CNKSR2: variants seen among roughly 807,000 people sequenced by gnomAD.
CNKSR2 encodes the protein CNK homolog protein 2.
CNKSR2 carries 14 observed loss-of-function variants against 84.4 expected under a neutral mutation model. That is an observed-to-expected ratio of 0.17 (90% CI 0.11 to 0.26). The LOEUF is 0.26. CNKSR2 is among the 10% of genes least tolerant of loss of function. The pLI, the probability that CNKSR2 is intolerant of heterozygous loss-of-function variation, is 1.00. For missense variants in CNKSR2, 485 were observed against 771.2 expected (o/e 0.63, Z 4.40); for synonymous variants, 275 against 277.9 (o/e 0.99, Z 0.10).
At chrX:21,395,580 G>T (rs1273598629) in intron 1 of CNKSR2, among the ~76,000 whole-genome samples, 2 of 110,289 alleles carry the variant, frequency 1.8e-5, no homozygotes, top group Non-Finnish European at 3.8e-5. Context: ...GGTTGAGACA[G>T]CTTTACTTCT....
chrX:21,484,141 A>T (rs1349089070), intron 5 of CNKSR2, among the ~76,000 whole-genome samples: 1 of 110,951 alleles, frequency 9.0e-6, no homozygotes, highest in Admixed American at 9.6e-5. Context: ...AATACAAAAA[A>T]TTAGCTGGGC....
intron 20 of CNKSR2, among the ~76,000 whole-genome samples, chrX:21,640,310 G>A (rs1019815884): frequency 8.9e-6 from 1 of 111,754 alleles, no homozygotes; most frequent in Non-Finnish European, 1.9e-5. Context: ...TGTGCCCAAG[G>A]TTGGATTCCC....
intron 13 of CNKSR2, among the ~76,000 whole-genome samples, chrX:21,583,032 CTTAT>C (rs1242769473): frequency 9.0e-6 from 1 of 111,709 alleles, no homozygotes; most frequent in Non-Finnish European, 1.9e-5. Flanking sequence ...TCTTTTTGTT[CTTAT>C]TTGACTGCTA....
At chrX:21,627,892 C>T (rs1242776641) in intron 20 of CNKSR2, among the ~76,000 whole-genome samples, 2 of 111,206 alleles carry the variant, frequency 1.8e-5, no homozygotes, top group African/African-American at 3.3e-5. Flanking sequence ...CCTGCCTTCC[C>T]AACAGTCCCC....
chrX:21,574,504 C>A (rs182138471), intron 13 of CNKSR2, among the ~76,000 whole-genome samples: 41 of 111,909 alleles, frequency 3.7e-4, no homozygotes, highest in African/African-American at 1.2e-3. Context: ...GCAAATATGT[C>A]TTTCTTCACA....
chrX:21,525,343 A>G (rs756253780), intron 9 of CNKSR2, among the ~76,000 whole-genome samples: 2 of 111,425 alleles, frequency 1.8e-5, no homozygotes, highest in African/African-American at 6.5e-5. Context: ...AGCATAGTAA[A>G]ACATAATCTT....
At chrX:21,519,954 G>C (rs1184016232) in intron 9 of CNKSR2, among the ~76,000 whole-genome samples, 2 of 111,171 alleles carry the variant, frequency 1.8e-5, no homozygotes, top group Non-Finnish European at 3.8e-5. Context: ...TAAGATAGAA[G>C]ATTGTCAAAG....
At chrX:21,473,405 T>C (rs745401737) in intron 5 of CNKSR2, among the ~76,000 whole-genome samples, 1 of 111,786 alleles carries the variant, frequency 8.9e-6, no homozygotes, top group East Asian at 2.8e-4. Context: ...CAGTACCACT[T>C]AGTATATGAG....
chrX:21,608,149 G>A (rs1296741550), intron 19 of CNKSR2: 1 of 111,190 alleles, frequency 9.0e-6, no homozygotes, highest in African/African-American at 3.3e-5. Flanking sequence ...ACTGCCCGCA[G>A]AGGATGCCAA....
intron 1 of CNKSR2, among the ~76,000 whole-genome samples, chrX:21,382,173 C>G (rs2089908138): frequency 8.9e-6 from 1 of 111,841 alleles, no homozygotes; most frequent in African/African-American, 3.2e-5. Flanking sequence ...CTAATGGATA[C>G]TTCAGTGCCA....
intron 1 of CNKSR2, among the ~76,000 whole-genome samples, chrX:21,413,130 C>A (rs1035976038): frequency 9.0e-6 from 1 of 111,233 alleles, no homozygotes; most frequent in Non-Finnish European, 1.9e-5. Context: ...GACTGCATGA[C>A]GACTGCATGC....
chrX:21,648,826 T>TTTTTG lies in CNKSR2; in HGVS notation c.2693-5_2693-4insTTTTG. ...TTTTTTTTTTTTTTTTTTTGGATGT[T>TTTTTG]GCAGGTGAAAGCAGAGAAGAAAAGT... is the stretch of plus-strand genomic sequence containing the variant. On this transcript the variant is annotated splice_region_variant and splice_polypyrimidine_tract_variant and intron_variant, in intron 20 of 21. Coordinates refer to ENST00000379510, the MANE Select transcript of CNKSR2 (RefSeq NM_014927.5). The TTTTTG allele has an allele frequency of 2.0e-6, 2 of 1,001,511 alleles. No individual in the cohort carries two copies. The highest frequency in any genetic ancestry group is 2.6e-6 in the Non-Finnish European group (2 of 758,540). 82.5% of individuals were successfully genotyped at this position (1,001,511 alleles called of 1,213,427 possible).
At chrX:21,537,798 T>G (rs1601918031) in intron 11 of CNKSR2, 3 of 109,269 alleles carry the variant, frequency 2.7e-5, no homozygotes, top group Non-Finnish European at 5.7e-5. Flanking sequence ...TTTTTTTTTT[T>G]TTTTCTTTAA....
intron 2 of CNKSR2, 137 bp from the exon 3 acceptor site, chrX:21,432,475 A>G (rs893573363): frequency 2.2e-6 from 1 of 464,991 alleles, no homozygotes. Context: ...GGGCTCCGCT[A>G]GGTCAGGAAT....
At chrX:21,550,377 A>G in intron 11 of CNKSR2, among the ~76,000 whole-genome samples, 1 of 112,453 alleles carries the variant, frequency 8.9e-6, no homozygotes, top group Non-Finnish European at 1.9e-5. Flanking sequence ...ATACCATCTC[A>G]TGCCAGTTAG....
chrX:21,624,968 A>C (rs1478778097), intron 20 of CNKSR2, among the ~76,000 whole-genome samples: 1 of 112,011 alleles, frequency 8.9e-6, no homozygotes, highest in Non-Finnish European at 1.9e-5. Context: ...TGACTGAGTA[A>C]GGTAGAATAC....
intron 13 of CNKSR2, among the ~76,000 whole-genome samples, chrX:21,566,275 GGACAACAGAA>G (rs1341992841): frequency 2.7e-5 from 3 of 111,746 alleles, no homozygotes; most frequent in Non-Finnish European, 5.7e-5. Context: ...TCTATTGCTG[GGACAACAGAA>G]TATTATAGTT....
chrX:21,553,015 C>T (rs190988877), intron 11 of CNKSR2, among the ~76,000 whole-genome samples: 24 of 111,810 alleles, frequency 2.1e-4, no homozygotes, highest in African/African-American at 7.4e-4. Flanking sequence ...TCATGTCATA[C>T]CAATTTATTT....
chrX:21,492,191 G>T (rs1007637221), intron 6 of CNKSR2: 1 of 111,222 alleles, frequency 9.0e-6, no homozygotes, highest in African/African-American at 3.3e-5. Flanking sequence ...TGTAAAATAA[G>T]TCAAAACAAT....
Sources: allele counts gnomAD v4.1 joint callset (sites outside exome capture counted in the v4.1 genomes callset), GRCh38; gene constraint gnomAD v4.1.1; transcripts MANE v1.5; gene names NCBI Gene and HGNC (gene_info 2026-07-23, HGNC 2026-07-21).